The following FAM234A variants were observed in gnomAD, a reference collection of about 807,000 sequenced individuals.
FAM234A encodes the protein family with sequence similarity 234 member A, also known as protein FAM234A.
A neutral mutation model predicts 49.1 loss-of-function variants in FAM234A; 42 were observed. That is an observed-to-expected ratio of 0.86 (90% confidence interval 0.67 to 1.11). FAM234A has a LOEUF of 1.11. Ranked by LOEUF, FAM234A falls within the 50% of genes least tolerant of loss-of-function variation. FAM234A has a pLI of 0.00. For synonymous variants in FAM234A, 369 were observed against 316.2 expected, an observed-to-expected ratio of 1.17 and a Z score of -1.77; for missense variants, 815 against 745.2, an observed-to-expected ratio of 1.09 and a Z score of -1.09.
At chr16:251,616 A>C (rs1434968818) in intron 2 of FAM234A, among the ~76,000 whole-genome samples, 1 of 138,186 alleles carries the variant, frequency 7.2e-6, no homozygotes, top group Non-Finnish European at 1.5e-5. Flanking sequence ...GAGGTCAAGC[A>C]CTCCACTCAC....
chr16:254,983 A>G (rs1028673088), intron 3 of FAM234A, among the ~76,000 whole-genome samples: 1 of 152,020 alleles, frequency 6.6e-6, no homozygotes, highest in African/African-American at 2.4e-5. Flanking sequence ...AGCCTCCCAA[A>G]TAGCTGGGAT....
At chr16:249,123 A>ATTCT (rs2050911440) in intron 1 of FAM234A, among the ~76,000 whole-genome samples, 1 of 151,970 alleles carries the variant, frequency 6.6e-6, no homozygotes, top group African/African-American at 2.4e-5. Context: ...AAGGAACAGA[A>ATTCT]AACCCAGAAT....
chr16:267,772 C>G (rs1365757249), downstream of FAM234A, among the ~76,000 whole-genome samples: 3 of 143,004 alleles, frequency 2.1e-5, no homozygotes, highest in East Asian at 6.4e-4. Flanking sequence ...ACAACACGTG[C>G]ACACACCACA....
At chr16:245,437 G>T (rs975541079) in intron 1 of FAM234A, among the ~76,000 whole-genome samples, 14 of 152,124 alleles carry the variant, frequency 9.2e-5, no homozygotes, top group African/African-American at 3.1e-4. Flanking sequence ...CCTGGGCACC[G>T]GCCACTGGCG....
At chr16:236,265 T>G (rs1596720927) in intron 1 of FAM234A, among the ~76,000 whole-genome samples, 1 of 151,860 alleles carries the variant, frequency 6.6e-6, no homozygotes, top group South Asian at 2.1e-4. Flanking sequence ...CCTCTTTTTT[T>G]CCTTTTGCTC....
chr16:250,306 G>A (rs766610992), intron 2 of FAM234A, among the ~76,000 whole-genome samples: 2 of 152,118 alleles, frequency 1.3e-5, no homozygotes, highest in African/African-American at 4.8e-5. Flanking sequence ...ATTAATGGCC[G>A]TCTCCTCTTC....
At chr16:250,523 C>T (rs2050963941) in intron 2 of FAM234A, among the ~76,000 whole-genome samples, 1 of 152,104 alleles carries the variant, frequency 6.6e-6, no homozygotes, top group Admixed American at 6.6e-5. Flanking sequence ...ATAAGCACAC[C>T]TTTTCTGACT....
At chr16:251,635 C>A (rs2051011619) in intron 2 of FAM234A, among the ~76,000 whole-genome samples, 2 of 150,368 alleles carry the variant, frequency 1.3e-5, no homozygotes, top group Non-Finnish European at 1.5e-5. Context: ...ACTCGGACTC[C>A]CAGAGTGCTG....
chr16:254,021 G>A, intron 2 of FAM234A: 1 of 229,918 alleles, frequency 4.3e-6, no homozygotes, highest in Non-Finnish European at 8.7e-6. Context: ...CTGGTGGAAG[G>A]TGGCTCAGAT....
intron 11 of FAM234A, 146 bp downstream of exon 11, chr16:264,317 T>G (rs1596859137): frequency 1.0e-6 from 1 of 967,628 alleles, no homozygotes; most frequent in South Asian, 1.7e-5. Context: ...GATGAGGTGG[T>G]GCAAGCTGAG....
chr16:254,662 G>T lies in FAM234A; in HGVS notation c.249G>T (p.Arg83Ser). 1 of 1,613,914 alleles carries T rather than the reference G, an allele frequency of 6.2e-7. No individual in the cohort carries two copies. Among genetic ancestry groups the T allele is most frequent in the Non-Finnish European group, 8.5e-7 (1 of 1,180,020 alleles). The change falls in exon 3 of 13, where the codon AGG becomes AGT. Residue 83 changes from arginine (R) to serine (S), a missense_variant. Physicochemically the swap from Arg to Ser is moderately radical, Grantham distance 110. Coordinates refer to ENST00000399932, the MANE Select transcript of FAM234A (RefSeq NM_032039.4). ...PDRPASQRMW[R>S]IDYSAAVIYD... ...GGCCGGCGTCACAGCGAATGTGGAGGATAGACTACAGTGCCGCTGGTGAGC... is the reference window on the plus strand; with the variant it reads ...GGCCGGCGTCACAGCGAATGTGGAGTATAGACTACAGTGCCGCTGGTGAGC...
At chr16:268,573 A>C, downstream of FAM234A, 1 of 597,026 alleles carries the variant, frequency 1.7e-6, no homozygotes, top group Non-Finnish European at 3.0e-6. Context: ...ACCCTATGGA[A>C]TCGGGCCTCG....
chr16:269,152 G>C, downstream of FAM234A: 1 of 940,876 alleles, frequency 1.1e-6, no homozygotes. Flanking sequence ...CTGGGCACAA[G>C]GGGACACTGG....
At chr16:261,852 C>T (rs1299154944) in intron 6 of FAM234A, among the ~76,000 whole-genome samples, 1 of 152,194 alleles carries the variant, frequency 6.6e-6, no homozygotes, top group African/African-American at 2.4e-5. Context: ...TGTGGAGGCA[C>T]CAACCATCGT....
At chr16:258,823 G>A (rs147750572) in intron 3 of FAM234A, among the ~76,000 whole-genome samples, 150 of 152,284 alleles carry the variant, frequency 9.9e-4, no homozygotes, top group African/African-American at 2.4e-3. Flanking sequence ...CAGCTCTGTC[G>A]GCCAGGCTGG....
intron 2 of FAM234A, among the ~76,000 whole-genome samples, chr16:252,854 G>C (rs1000036133): frequency 2.0e-5 from 3 of 152,060 alleles, no homozygotes; most frequent in South Asian, 2.1e-4. Flanking sequence ...GCTTTTCCTC[G>C]CCTTCCCTCG....
intron 1 of FAM234A, among the ~76,000 whole-genome samples, chr16:235,396 G>A (rs1228841667): frequency 6.6e-6 from 1 of 152,186 alleles, no homozygotes; most frequent in Non-Finnish European, 1.5e-5. Flanking sequence ...GAGGTTGCTC[G>A]TCTGTGGGAG....
rs985238397 is a variant in FAM234A at position 265,578 on chromosome 16, G to A, written c.*556G>A. On this transcript the variant is annotated 3_prime_UTR_variant, in exon 13 of 13. Coordinates refer to ENST00000399932, the MANE Select transcript of FAM234A (RefSeq NM_032039.4). ...CAGCTCCAGCTTCGCAGCCCTTCCC[G>A]GAGCTACAGGGGGATCCTCTAGCAT... is the stretch of plus-strand genomic sequence containing the variant. 6.1e-6 allele frequency: 6 copies of A among 985,654 alleles called. No individual in the cohort carries two copies. The highest frequency in any genetic ancestry group is 1.2e-4 in the Admixed American group (2 of 16,276). The allele number at this position is 985,654 out of a possible 1,614,324, so 61.1% of individuals were successfully genotyped here.
At chr16:268,411 C>A, downstream of FAM234A, 1 of 330,184 alleles carries the variant, frequency 3.0e-6, no homozygotes, top group East Asian at 6.9e-5. Flanking sequence ...ACCGCCCTAC[C>A]GCCGAGAGAG....
Sources: gnomAD v4.1 joint callset for allele counts (sites outside exome capture counted in the v4.1 genomes callset) on GRCh38, gnomAD v4.1.1 for gene constraint, MANE v1.5 for transcripts, NCBI Gene and HGNC (gene_info 2026-07-23, HGNC 2026-07-21) for gene names.